Variants in GBP6 observed in about 807,000 individuals in gnomAD.
GBP6 encodes guanylate binding protein family member 6, also known as guanylate-binding protein 6.
A neutral mutation model predicts 61.5 loss-of-function variants in GBP6; 54 were observed. The ratio of observed to expected loss-of-function variants is 0.88; its 90% CI spans 0.71 to 1.10. The LOEUF is 1.10. Among genes scored for constraint, GBP6 ranks in the 50% least tolerant of loss-of-function variants. The pLI is 0.00. For missense variants in GBP6, 748 were observed against 752.8 expected (o/e 0.99, Z 0.07); for synonymous variants, 255 against 273.7 (o/e 0.93, Z 0.67).
At chr1:89,378,315 C>T (rs2100668433) in intron 4 of GBP6, 102 bp from the exon 5 acceptor site, 2 of 1,515,684 alleles carry the variant, frequency 1.3e-6, no homozygotes, top group Non-Finnish European at 1.8e-6. Context: ...ACCTGTGGTG[C>T]AGCACAGGGA....
chr1:89,365,836 A>C (rs917312497), intron 1 of GBP6, among the ~76,000 whole-genome samples: 4 of 152,230 alleles, frequency 2.6e-5, no homozygotes, highest in Non-Finnish European at 5.9e-5. Context: ...TAAGTAGTGA[A>C]TGATAGAGCT....
In GBP6 at chr1:89,386,153, A is replaced by C. The variant is rs1653138743; in HGVS notation, c.*684A>C. On this transcript the variant is annotated 3_prime_UTR_variant, in exon 11 of 11. Transcript: ENST00000370456. Reference sequence around the variant, plus strand: ...CAGTAAAGAATGGTCTTGAAGAGACATTGTAAAATGAAAAAAAAAAAAACC... The same window carrying C: ...CAGTAAAGAATGGTCTTGAAGAGACCTTGTAAAATGAAAAAAAAAAAAACC... The C allele has an allele frequency of 6.6e-6, 1 of 151,800 alleles. No individual in the cohort carries two copies. 9.4% of individuals were successfully genotyped at this position (151,800 alleles called of 1,614,324 possible).
chr1:89,373,564 G>A (rs1489128636), intron 3 of GBP6, among the ~76,000 whole-genome samples: 1 of 152,038 alleles, frequency 6.6e-6, no homozygotes, highest in African/African-American at 2.4e-5. Flanking sequence ...CTATCACAAG[G>A]ACAAAAAACC....
intron 3 of GBP6, among the ~76,000 whole-genome samples, chr1:89,375,338 G>T (rs889320056): frequency 6.6e-6 from 1 of 152,138 alleles, no homozygotes; most frequent in African/African-American, 2.4e-5. Flanking sequence ...ACACCAGTCA[G>T]AATAGGGTAT....
intron 8 of GBP6, among the ~76,000 whole-genome samples, chr1:89,383,158 T>C (rs1653036789): frequency 6.6e-6 from 1 of 152,194 alleles, no homozygotes; most frequent in African/African-American, 2.4e-5. Context: ...TTACCTACAG[T>C]ATACTGTTAA....
chr1:89,383,582 G>T (rs919691326), intron 8 of GBP6, 70 bp from the exon 9 acceptor site: 3 of 1,122,046 alleles, frequency 2.7e-6, no homozygotes, highest in Admixed American at 2.2e-5. Flanking sequence ...GACCATAATT[G>T]TTCTTGCAAC....
chr1:89,380,713 A>T lies in GBP6; in HGVS notation c.871+82A>T, dbSNP rs1245448137. 2.2e-6 allele frequency: 3 copies of T among 1,370,354 alleles called. No homozygotes were observed. In the Admixed American group the frequency reaches 6.5e-5, roughly 30 times the overall value. The allele number at this position is 1,370,354 out of a possible 1,614,324, so 84.9% of individuals were successfully genotyped here. ...ATGTGTTTCTCAGAATTTTTGTTAG[A>T]TTCCATATAGAAAAACTACGTGTAT... On this transcript the variant is annotated intron_variant, in intron 6 of 10. Coordinates refer to ENST00000370456, the MANE Select transcript of GBP6 (RefSeq NM_198460.3).
At chr1:89,379,716 G>A (rs4658354) in intron 5 of GBP6, among the ~76,000 whole-genome samples, 121,284 of 152,208 alleles carry the variant, frequency 0.8, 48,533 homozygotes, top group African/African-American at 0.88. Context: ...CAGTGAACTC[G>A]TTGTTGCTTT....
intron 1 of GBP6, among the ~76,000 whole-genome samples, chr1:89,365,683 T>C (rs1570457913): frequency 6.6e-6 from 1 of 152,248 alleles, no homozygotes; most frequent in Non-Finnish European, 1.5e-5. Context: ...AATCCTATTG[T>C]GTGGTGCATG....
intron 3 of GBP6, among the ~76,000 whole-genome samples, chr1:89,373,846 A>AAT (rs1652720272): frequency 1.3e-5 from 2 of 151,550 alleles, no homozygotes; most frequent in South Asian, 4.2e-4. Context: ...ATATTCAATA[A>AAT]ATATATATAT....
intron 1 of GBP6, among the ~76,000 whole-genome samples, chr1:89,367,547 T>C (rs953712858): frequency 2.0e-5 from 3 of 152,232 alleles, no homozygotes; most frequent in Non-Finnish European, 2.9e-5. Flanking sequence ...AGGAGTTCTT[T>C]ATGTGTTCTA....
chr1:89,382,589 T>A, intron 7 of GBP6, 75 bp from the exon 8 acceptor site: 3 of 1,224,202 alleles, frequency 2.5e-6, no homozygotes, highest in Non-Finnish European at 2.4e-6. Context: ...TTAGATTGAC[T>A]CTACCACCAG....
rs569235579 is a variant in GBP6 at position 89,368,416 on chromosome 1, C to T, written c.-23-113C>T. 14 of 686,630 alleles carry T rather than the reference C, an allele frequency of 2.0e-5. No individual in the cohort carries two copies. The African/African-American group carries it at 2.3e-4, about 11-fold the overall frequency. The allele number at this position is 686,630 out of a possible 1,614,324, so 42.5% of individuals were successfully genotyped here. On this transcript the variant is annotated intron_variant, in intron 1 of 10. Transcript: ENST00000370456. ...AGAAGCCTTGTGCAGTCAGCTAATG[C>T]TAGATTACATGTTGTCCAGTAGAAA...
chr1:89,365,374 A>T (rs1033546746), intron 1 of GBP6, among the ~76,000 whole-genome samples: 7 of 152,246 alleles, frequency 4.6e-5, no homozygotes, highest in Non-Finnish European at 8.8e-5. Flanking sequence ...GTACAGTTGC[A>T]GTCACTGTAA....
chr1:89,378,184 A>C lies in GBP6; in HGVS notation c.400A>C (p.Ile134Leu). The C allele has an allele frequency of 6.2e-7, 1 of 1,612,688 alleles. No homozygotes were observed. Among genetic ancestry groups the C allele is most frequent in the Non-Finnish European group, 8.5e-7 (1 of 1,179,690 alleles). Residue 134 changes from isoleucine to leucine, a missense_variant, in exon 4 of 11, where the codon ATC (isoleucine) becomes CTC (leucine). Coordinates refer to ENST00000370456, the MANE Select transcript of GBP6 (RefSeq NM_198460.3). Reference protein sequence around the residue: ...STFVYNSMSTINHQALEQLHY... With the variant: ...STFVYNSMSTLNHQALEQLHY... ...CTTTGTCTACAACAGCATGAGCACC[A>C]TCAACCACCAGGCCCTGGAGCAGCT...
chr1:89,364,523 C>A (rs1033803610), intron 1 of GBP6, among the ~76,000 whole-genome samples: 7 of 152,126 alleles, frequency 4.6e-5, no homozygotes, highest in African/African-American at 1.7e-4. Flanking sequence ...AGGAAAGCTT[C>A]AGAATAAGAG....
At chr1:89,379,166 A>G (rs1391805509) in intron 5 of GBP6, among the ~76,000 whole-genome samples, 1 of 152,116 alleles carries the variant, frequency 6.6e-6, no homozygotes, top group African/African-American at 2.4e-5. Flanking sequence ...TTAATGGTGG[A>G]AGGTGAAGGG....
intron 7 of GBP6, 24 bp downstream of exon 7, chr1:89,381,998 TTCA>T (rs750984273): frequency 4.2e-5 from 66 of 1,571,582 alleles, no homozygotes; most frequent in Non-Finnish European, 5.5e-5. Context: ...GTCATTACTG[TTCA>T]TCATCCTTCC....
chr1:89,377,122 C>T (rs1247079212), intron 3 of GBP6, among the ~76,000 whole-genome samples: 1 of 152,166 alleles, frequency 6.6e-6, no homozygotes, highest in Non-Finnish European at 1.5e-5. Context: ...ACCAGTTACA[C>T]ATGCTTTTTA....
Sources: allele counts gnomAD v4.1 joint callset (sites outside exome capture counted in the v4.1 genomes callset), GRCh38; gene constraint gnomAD v4.1.1; transcripts MANE v1.5; gene names NCBI Gene and HGNC (gene_info 2026-07-23, HGNC 2026-07-21).